Variants in LINGO2 observed in about 807,000 individuals in gnomAD.
LINGO2 encodes the protein leucine rich repeat and Ig domain containing 2.
A neutral mutation model predicts 30.6 loss-of-function variants in LINGO2; 14 were observed. That is an observed-to-expected ratio of 0.46 (90% CI 0.30 to 0.72). The LOEUF (loss-of-function observed/expected upper bound fraction) is 0.72, where lower values mean the gene tolerates loss of function less well. Ranked by LOEUF, LINGO2 falls within the 30% of genes least tolerant of loss-of-function variation. The pLI is 0.07. For synonymous variants in LINGO2, 317 were observed against 288.5 expected, an observed-to-expected ratio of 1.10 and a Z score of -1.00; for missense variants, 729 against 751.7, an observed-to-expected ratio of 0.97 and a Z score of 0.35.
intron 2 of LINGO2, among the ~76,000 whole-genome samples, chr9:28,449,032 CGT>C (rs140779747): frequency 0.13 from 17,324 of 137,808 alleles, 1,297 homozygotes; most frequent in East Asian, 0.22. Context: ...TATTCACATT[CGT>C]GTGTGTGTGT....
At chr9:28,498,124 C>T (rs1819725292) in intron 1 of LINGO2, among the ~76,000 whole-genome samples, 1 of 152,180 alleles carries the variant, frequency 6.6e-6, no homozygotes, top group Non-Finnish European at 1.5e-5. Flanking sequence ...CTTGAGGAGG[C>T]AGTCTGACCA....
At chr9:28,051,841 A>G (rs1824689901) in intron 4 of LINGO2, among the ~76,000 whole-genome samples, 1 of 152,160 alleles carries the variant, frequency 6.6e-6, no homozygotes, top group Non-Finnish European at 1.5e-5. Flanking sequence ...AAATTAAAAA[A>G]ACAGGATACA....
At chr9:28,012,432 A>T (rs1378811246) in intron 4 of LINGO2, 2 of 151,634 alleles carry the variant, frequency 1.3e-5, no homozygotes, top group Non-Finnish European at 2.9e-5. Flanking sequence ...AAAAAAAGTT[A>T]ATCAAAGTTA....
intron 4 of LINGO2, among the ~76,000 whole-genome samples, chr9:28,228,399 C>T (rs1281004003): frequency 1.3e-5 from 2 of 152,088 alleles, no homozygotes; most frequent in South Asian, 2.1e-4. Context: ...AAATCAGATC[C>T]ATTTGGCATA....
At chr9:28,055,254 A>G (rs1053471582) in intron 4 of LINGO2, among the ~76,000 whole-genome samples, 2 of 152,146 alleles carry the variant, frequency 1.3e-5, no homozygotes, top group African/African-American at 4.8e-5. Flanking sequence ...AGAAGCCTCA[A>G]ACTGATTTCC....
chr9:28,817,547 A>G, the LINGO2 span, among the ~76,000 whole-genome samples: 1 of 152,154 alleles, frequency 6.6e-6, no homozygotes, highest in African/African-American at 2.4e-5. Flanking sequence ...TGAGCCCACG[A>G]CCCACTTTTC....
intron 5 of LINGO2, among the ~76,000 whole-genome samples, chr9:27,978,849 T>C (rs142380130): frequency 3.2e-4 from 48 of 152,098 alleles, no homozygotes; most frequent in African/African-American, 1.1e-3. Context: ...AAATGGAAAA[T>C]ACAGAAAAGC....
chr9:28,246,677 C>G (rs896515299), intron 4 of LINGO2, among the ~76,000 whole-genome samples: 14 of 152,096 alleles, frequency 9.2e-5, no homozygotes, highest in Non-Finnish European at 1.8e-4. Flanking sequence ...CAATACCATT[C>G]AGGACATAGG....
intron 4 of LINGO2, among the ~76,000 whole-genome samples, chr9:28,131,983 C>A (rs1390494342): frequency 1.3e-5 from 2 of 152,150 alleles, no homozygotes; most frequent in Non-Finnish European, 2.9e-5. Context: ...AAGATCAGAT[C>A]TCAACTCTAC....
At chr9:28,075,360 A>T (rs1825593202) in intron 4 of LINGO2, among the ~76,000 whole-genome samples, 1 of 151,906 alleles carries the variant, frequency 6.6e-6, no homozygotes, top group Admixed American at 6.6e-5. Flanking sequence ...ACTATTGTTG[A>T]TAGAAATTTG....
chr9:28,953,285 T>C, the LINGO2 span, among the ~76,000 whole-genome samples: 2 of 152,164 alleles, frequency 1.3e-5, no homozygotes, highest in African/African-American at 4.8e-5. Flanking sequence ...TATGAGGAGA[T>C]AGAAAGTTGT....
chr9:28,293,388 G>A (rs1034587023), intron 4 of LINGO2, among the ~76,000 whole-genome samples: 2 of 152,118 alleles, frequency 1.3e-5, no homozygotes, highest in African/African-American at 4.8e-5. Flanking sequence ...GTAAGCCACT[G>A]TACCCAGCCA....
intron 2 of LINGO2, among the ~76,000 whole-genome samples, chr9:28,455,226 G>A (rs1214273476): frequency 1.3e-5 from 2 of 151,914 alleles, no homozygotes; most frequent in Non-Finnish European, 2.9e-5. Flanking sequence ...CATTTTAGGT[G>A]ATTGTGAGTT....
the LINGO2 span, among the ~76,000 whole-genome samples, chr9:28,693,816 T>C: frequency 6.6e-6 from 1 of 152,148 alleles, no homozygotes; most frequent in Non-Finnish European, 1.5e-5. Context: ...ATACTTTTTA[T>C]AGGTTTTTTA....
intron 2 of LINGO2, among the ~76,000 whole-genome samples, chr9:28,378,746 G>T (rs1285451406): frequency 1.3e-5 from 2 of 152,098 alleles, no homozygotes; most frequent in East Asian, 3.9e-4. Flanking sequence ...TAATTTAATT[G>T]GGATTGTGGA....
At chr9:28,226,701 A>G (rs934305437) in intron 4 of LINGO2, among the ~76,000 whole-genome samples, 6 of 149,122 alleles carry the variant, frequency 4.0e-5, no homozygotes, top group South Asian at 2.1e-4. Context: ...GAAAGAAAGA[A>G]AGAGAAAGAG....
At chr9:28,803,776 A>G in the LINGO2 span, among the ~76,000 whole-genome samples, 1 of 152,074 alleles carries the variant, frequency 6.6e-6, no homozygotes, top group Non-Finnish European at 1.5e-5. Context: ...ATGGACCACA[A>G]CTTAATATAC....
chr9:28,852,582 C>T, the LINGO2 span, among the ~76,000 whole-genome samples: 1 of 151,990 alleles, frequency 6.6e-6, no homozygotes, highest in Non-Finnish European at 1.5e-5. Flanking sequence ...CATGATATTA[C>T]CACACTGCAA....
the LINGO2 span, among the ~76,000 whole-genome samples, chr9:28,881,531 T>C: frequency 1.3e-5 from 2 of 152,218 alleles, no homozygotes; most frequent in Non-Finnish European, 2.9e-5. Flanking sequence ...TTGACAAATA[T>C]TTTAATGATT....
Sources: gnomAD v4.1 joint callset for allele counts (sites outside exome capture counted in the v4.1 genomes callset) on GRCh38, gnomAD v4.1.1 for gene constraint, MANE v1.5 for transcripts, NCBI Gene and HGNC (gene_info 2026-07-23, HGNC 2026-07-21) for gene names.